Variants in FAM53B observed in about 807,000 individuals in gnomAD.
FAM53B encodes the protein family with sequence similarity 53 member B.
FAM53B carries 12 observed loss-of-function variants against 32.7 expected under a neutral mutation model. The observed-to-expected ratio is 0.37, with a 90% CI of 0.24 to 0.59. The LOEUF (loss-of-function observed/expected upper bound fraction) is 0.59. Among genes scored for constraint, FAM53B ranks in the 20% least tolerant of loss-of-function variants. The pLI is 0.72. For missense variants in FAM53B, 477 were observed against 577.7 expected (o/e 0.83, Z 1.79); for synonymous variants, 234 against 228.7 (o/e 1.02, Z -0.21).
intron 4 of FAM53B, among the ~76,000 whole-genome samples, chr10:124,657,070 ATG>A (rs1171874517): frequency 2.4e-5 from 3 of 126,478 alleles, no homozygotes; most frequent in African/African-American, 8.3e-5. Context: ...GTATATATAT[ATG>A]TATATATATG....
chr10:124,657,064 A>G (rs201425883), intron 4 of FAM53B, among the ~76,000 whole-genome samples: 1 of 78,538 alleles, frequency 1.3e-5, no homozygotes. Context: ...ATATATGTAT[A>G]TATATATGTA....
At chr10:124,679,842 C>A (rs183779155) in intron 4 of FAM53B, among the ~76,000 whole-genome samples, 220 of 152,386 alleles carry the variant, frequency 1.4e-3, no homozygotes, top group African/African-American at 5.0e-3. Flanking sequence ...TCTAACCAAA[C>A]GAGGTCAAGA....
intron 2 of FAM53B, among the ~76,000 whole-genome samples, chr10:124,701,306 A>G (rs558317317): frequency 6.6e-6 from 1 of 152,382 alleles, no homozygotes; most frequent in African/African-American, 2.4e-5. Flanking sequence ...AAAGTCATTT[A>G]GCCTTGGCAT....
intron 1 of FAM53B, among the ~76,000 whole-genome samples, chr10:124,718,055 T>C (rs947910172): frequency 2.6e-5 from 4 of 151,442 alleles, no homozygotes; most frequent in African/African-American, 9.7e-5. Flanking sequence ...GGGAAGGTAA[T>C]CTCTCAGCAG....
intron 4 of FAM53B, among the ~76,000 whole-genome samples, chr10:124,669,187 A>C (rs1949691969): frequency 6.6e-6 from 1 of 152,228 alleles, no homozygotes; most frequent in Non-Finnish European, 1.5e-5. Flanking sequence ...GGGCAGTAAG[A>C]GGATTATTTC....
chr10:124,625,637 G>A (rs1425481973), intron 4 of FAM53B, among the ~76,000 whole-genome samples: 1 of 152,250 alleles, frequency 6.6e-6, no homozygotes, highest in African/African-American at 2.4e-5. Flanking sequence ...AAGCGAACCT[G>A]CCGCTTGTGA....
chr10:124,701,680 A>G (rs1486450197), intron 2 of FAM53B, among the ~76,000 whole-genome samples: 1 of 152,228 alleles, frequency 6.6e-6, no homozygotes, highest in Non-Finnish European at 1.5e-5. Context: ...CCCACTCAGC[A>G]GAGGAAGGCA....
intron 4 of FAM53B, among the ~76,000 whole-genome samples, chr10:124,666,788 C>T (rs548568139): frequency 6.6e-6 from 1 of 152,342 alleles, no homozygotes; most frequent in Non-Finnish European, 1.5e-5. Context: ...ACCAGCCCCA[C>T]GAGGAGGGTG....
chr10:124,653,246 G>A (rs1344792783), intron 4 of FAM53B, among the ~76,000 whole-genome samples: 1 of 152,250 alleles, frequency 6.6e-6, no homozygotes, highest in East Asian at 1.9e-4. Flanking sequence ...TTTCTCAGAT[G>A]CAGCCCCAAG....
chr10:124,730,773 C>T (rs980131734), intron 1 of FAM53B, among the ~76,000 whole-genome samples: 2 of 152,202 alleles, frequency 1.3e-5, no homozygotes, highest in African/African-American at 4.8e-5. Context: ...ATTTAAATTG[C>T]CACATGAGGC....
chr10:124,719,427 G>A (rs1303809207), intron 1 of FAM53B, among the ~76,000 whole-genome samples: 1 of 152,184 alleles, frequency 6.6e-6, no homozygotes. Flanking sequence ...GGATGCCAAG[G>A]TGAACTCTTC....
chr10:124,628,289 G>A (rs146644554), intron 4 of FAM53B, among the ~76,000 whole-genome samples: 133 of 152,306 alleles, frequency 8.7e-4, no homozygotes, highest in African/African-American at 3.0e-3. Flanking sequence ...ACATGCAGGA[G>A]TGGGCATCCG....
At chr10:124,680,574 G>T (rs1038581909) in intron 4 of FAM53B, among the ~76,000 whole-genome samples, 1 of 152,196 alleles carries the variant, frequency 6.6e-6, no homozygotes, top group African/African-American at 2.4e-5. Flanking sequence ...CACCTGAAAC[G>T]CAGCGAGCGT....
chr10:124,696,592 C>T (rs1949873199), intron 2 of FAM53B, among the ~76,000 whole-genome samples: 1 of 152,270 alleles, frequency 6.6e-6, no homozygotes, highest in African/African-American at 2.4e-5. Flanking sequence ...AGGAGGGGAC[C>T]TCCCTGGGGA....
rs768455934 is a variant in FAM53B at position 124,681,766 on chromosome 10, T to C, written c.747A>G (p.Thr249=). ...TCGCCAGCTCTGGTGTTGAGGCAGGTGTGCTGTTGGCTGAGGGAGGACAGT... is the reference window on the plus strand; with the variant it reads ...TCGCCAGCTCTGGTGTTGAGGCAGGCGTGCTGTTGGCTGAGGGAGGACAGT... ...VEYCPPSANS[T]PASTPELARR... The change falls in exon 4 of 5, where the codon ACA becomes ACG. Residue 249 remains threonine (T), a synonymous_variant. Coordinates refer to ENST00000337318, the MANE Select transcript of FAM53B (RefSeq NM_014661.4). 3.1e-6 allele frequency: 5 copies of C among 1,602,930 alleles called. No homozygotes were observed. The highest frequency in any genetic ancestry group is 4.3e-6 in the Non-Finnish European group (5 of 1,175,320).
intron 1 of FAM53B, among the ~76,000 whole-genome samples, chr10:124,740,478 C>A (rs1345039699): frequency 6.6e-6 from 1 of 152,176 alleles, no homozygotes; most frequent in Non-Finnish European, 1.5e-5. Context: ...AAGCAAGTCT[C>A]AGGGTACATC....
chr10:124,667,504 G>A (rs1949680443), intron 4 of FAM53B: 16 of 719,572 alleles, frequency 2.2e-5, no homozygotes, highest in South Asian at 1.9e-4. Flanking sequence ...CCACAGCTGT[G>A]GCCTGGCACT....
chr10:124,727,329 G>T (rs930680086), intron 1 of FAM53B, among the ~76,000 whole-genome samples: 2 of 17,500 alleles, frequency 1.1e-4, no homozygotes, highest in African/African-American at 2.0e-4. Context: ...CTGAGTGATT[G>T]TGGGGGGGGG....
rs868435258 is a variant in FAM53B, at chr10:124,682,068, C to T, written c.445G>A (p.Gly149Arg). 2.5e-6 allele frequency: 4 copies of T among 1,613,600 alleles called. No homozygotes were observed. The highest frequency in any genetic ancestry group is 2.5e-6 in the Non-Finnish European group (3 of 1,179,820). The change falls in exon 4 of 5, where the codon GGG becomes AGG. Residue 149 changes from glycine to arginine, a missense_variant. By Grantham distance (125) the Gly-to-Arg change is moderately radical. Coordinates refer to ENST00000337318, the MANE Select transcript of FAM53B (RefSeq NM_014661.4). The surrounding 1 kb of genome is among the most constrained non-coding windows in gnomAD (Gnocchi z 5.2). Reference protein sequence around the residue: ...TPVEKRRCYSGGSVQRYSNGF... With the variant: ...TPVEKRRCYSRGSVQRYSNGF... ...TTGGAATAGCGCTGGACGCTGCCCC[C>T]GCTGTAGCAGCGTCTCTTTTCCACG...
Sources: allele counts gnomAD v4.1 joint callset (sites outside exome capture counted in the v4.1 genomes callset), GRCh38; gene constraint gnomAD v4.1.1; non-coding constraint Gnocchi (gnomAD v3.1); transcripts MANE v1.5; gene names NCBI Gene and HGNC (gene_info 2026-07-23, HGNC 2026-07-21).